Variants in CACNA2D3 observed in about 807,000 individuals in gnomAD.
The protein encoded by CACNA2D3 is voltage-dependent calcium channel subunit alpha-2/delta-3.
Under a neutral mutation model 160.6 loss-of-function variants are expected in CACNA2D3, and 60 were observed. The ratio of observed to expected loss-of-function variants is 0.37; its 90% confidence interval spans 0.30 to 0.46. CACNA2D3 has a LOEUF of 0.46. Ranked by LOEUF, CACNA2D3 falls within the 20% of genes least tolerant of loss-of-function variation. CACNA2D3 has a pLI of 1.00. For synonymous variants in CACNA2D3, 558 were observed against 492.9 expected, an observed-to-expected ratio of 1.13 and a Z score of -1.75; for missense variants, 1,205 against 1,365.0, an observed-to-expected ratio of 0.88 and a Z score of 1.85.
chr3:54,632,122 T>C (rs981185453), intron 10 of CACNA2D3: 3 of 152,208 alleles, frequency 2.0e-5, no homozygotes, highest in Non-Finnish European at 1.5e-5. Context: ...AGAGAAAAGA[T>C]ATTACTCATC....
At chr3:54,320,053 G>C (rs1258644621) in intron 2 of CACNA2D3, among the ~76,000 whole-genome samples, 1 of 152,130 alleles carries the variant, frequency 6.6e-6, no homozygotes, top group East Asian at 1.9e-4. Flanking sequence ...TAGGAGTTTT[G>C]GGATCACTTT....
At chr3:54,438,427 C>T (rs932830684) in intron 4 of CACNA2D3, among the ~76,000 whole-genome samples, 1 of 152,102 alleles carries the variant, frequency 6.6e-6, no homozygotes, top group Non-Finnish European at 1.5e-5. Context: ...ATTGTCAGTT[C>T]CAAAAACCTT....
intron 2 of CACNA2D3, among the ~76,000 whole-genome samples, chr3:54,200,864 A>G (rs1177754711): frequency 6.6e-6 from 1 of 152,194 alleles, no homozygotes; most frequent in Non-Finnish European, 1.5e-5. Flanking sequence ...GAAAATAGGA[A>G]CTTTTTTGTT....
chr3:54,677,285 A>T (rs1700259574), intron 11 of CACNA2D3, among the ~76,000 whole-genome samples: 1 of 152,228 alleles, frequency 6.6e-6, no homozygotes, highest in African/African-American at 2.4e-5. Flanking sequence ...GTAGTTCTAC[A>T]GGAAGAGGGA....
chr3:54,498,706 G>A (rs1701242285), intron 4 of CACNA2D3, among the ~76,000 whole-genome samples: 1 of 151,602 alleles, frequency 6.6e-6, no homozygotes. Flanking sequence ...TATATTATAA[G>A]CTTTTAAATG....
At chr3:54,854,292 GCTTT>G (rs1464522808) in intron 17 of CACNA2D3, among the ~76,000 whole-genome samples, 1 of 152,214 alleles carries the variant, frequency 6.6e-6, no homozygotes, top group Non-Finnish European at 1.5e-5. Flanking sequence ...AGCCTTGTGT[GCTTT>G]CTTCCTGACG....
At chr3:54,416,012 C>A (rs1699747724) in intron 4 of CACNA2D3, among the ~76,000 whole-genome samples, 1 of 151,852 alleles carries the variant, frequency 6.6e-6, no homozygotes, top group Admixed American at 6.6e-5. Context: ...GCGTGAAACC[C>A]AAAAAAACCC....
intron 11 of CACNA2D3, among the ~76,000 whole-genome samples, chr3:54,694,240 G>A (rs757447956): frequency 6.6e-6 from 1 of 152,152 alleles, no homozygotes; most frequent in Non-Finnish European, 1.5e-5. Flanking sequence ...GTTGCCTACA[G>A]TATTCAGTAG....
In CACNA2D3 at chr3:54,626,596, G is replaced by A. The variant is rs558502879; in HGVS notation, c.964-1191G>A. The A allele has an allele frequency of 2.5e-5, 37 of 1,500,348 alleles. No homozygotes were observed. The East Asian group carries it at 8.1e-4, about 33-fold the overall frequency. 92.9% of individuals were successfully genotyped at this position (1,500,348 alleles called of 1,614,324 possible). ...CATCACCTACAAGCCCATAAAGCAC[G>A]GCGGGCCCGGCATCGGGGCCAGCCA... On this transcript the variant is annotated intron_variant, in intron 9 of 37. Transcript: ENST00000474759.
At chr3:54,811,437 A>G (rs1157133476) in intron 13 of CACNA2D3, among the ~76,000 whole-genome samples, 1 of 137,104 alleles carries the variant, frequency 7.3e-6, no homozygotes, top group Non-Finnish European at 1.5e-5. Flanking sequence ...CCACACCACC[A>G]GTGTGCTGAT....
intron 2 of CACNA2D3, among the ~76,000 whole-genome samples, chr3:54,126,990 G>A (rs1317378731): frequency 2.0e-5 from 3 of 152,102 alleles, no homozygotes; most frequent in Non-Finnish European, 4.4e-5. Context: ...TAGTAGGTCC[G>A]GGAACCTAGG....
chr3:54,828,779 A>C (rs1703800890), intron 14 of CACNA2D3, among the ~76,000 whole-genome samples: 1 of 152,246 alleles, frequency 6.6e-6, no homozygotes, highest in Non-Finnish European at 1.5e-5. Context: ...GTTAAAATGC[A>C]GTGAAATCTC....
intron 2 of CACNA2D3, among the ~76,000 whole-genome samples, chr3:54,149,639 C>A (rs1461682007): frequency 1.3e-5 from 2 of 152,044 alleles, no homozygotes; most frequent in Non-Finnish European, 2.9e-5. Flanking sequence ...CAGGGCAGGG[C>A]CTTCAGTGGC....
At chr3:55,037,134 G>A (rs1328093348) in intron 35 of CACNA2D3, among the ~76,000 whole-genome samples, 1 of 152,096 alleles carries the variant, frequency 6.6e-6, no homozygotes, top group Non-Finnish European at 1.5e-5. Context: ...TTTCTCTTTT[G>A]CATAAACTAG....
At chr3:54,550,870 C>T (rs1203956275) in intron 5 of CACNA2D3, among the ~76,000 whole-genome samples, 1 of 152,104 alleles carries the variant, frequency 6.6e-6, no homozygotes, top group African/African-American at 2.4e-5. Context: ...AAAACCTCGA[C>T]CAACACGTGT....
At chr3:54,740,131 AG>A (rs1701620613) in intron 11 of CACNA2D3, among the ~76,000 whole-genome samples, 1 of 152,076 alleles carries the variant, frequency 6.6e-6, no homozygotes, top group Admixed American at 6.6e-5. Context: ...CACCAAAGAC[AG>A]GGGAGCCACA....
intron 11 of CACNA2D3, among the ~76,000 whole-genome samples, chr3:54,660,143 C>CTT (rs34482934): frequency 1.3e-4 from 19 of 142,796 alleles, no homozygotes; most frequent in Admixed American, 4.2e-4. Context: ...CTTTTGGTTT[C>CTT]TTTTTTTTTT....
intron 11 of CACNA2D3, among the ~76,000 whole-genome samples, chr3:54,672,883 G>C (rs1700184587): frequency 6.6e-6 from 1 of 152,200 alleles, no homozygotes; most frequent in Non-Finnish European, 1.5e-5. Context: ...ATGACAGTGT[G>C]ATACCAATGA....
intron 31 of CACNA2D3, among the ~76,000 whole-genome samples, chr3:54,995,772 T>C (rs1431201564): frequency 6.6e-6 from 1 of 152,210 alleles, no homozygotes; most frequent in Non-Finnish European, 1.5e-5. Flanking sequence ...AAGAGGAGAA[T>C]AGTTATTGTG....
Sources: gnomAD v4.1 joint callset for allele counts (sites outside exome capture counted in the v4.1 genomes callset) on GRCh38, gnomAD v4.1.1 for gene constraint, MANE v1.5 for transcripts, NCBI Gene and HGNC (gene_info 2026-07-23, HGNC 2026-07-21) for gene names.